Variants in SCARB1 observed in about 807,000 individuals in gnomAD.
SCARB1 encodes scavenger receptor class B member 1, also known as CD36 and LIMPII analogous 1.
Under a neutral mutation model 57.2 loss-of-function variants are expected in SCARB1, and 30 were observed. The ratio of observed to expected loss-of-function variants is 0.52; its 90% CI spans 0.39 to 0.71. The LOEUF is 0.71. Ranked by LOEUF, SCARB1 falls within the 30% of genes least tolerant of loss-of-function variation. The pLI, the probability that SCARB1 is intolerant of heterozygous loss-of-function variation, is 0.00. For synonymous variants in SCARB1, 249 were observed against 268.3 expected (o/e 0.93, Z 0.70); for missense variants, 543 against 671.2 (o/e 0.81, Z 2.11).
At chr12:124,848,499 C>T (rs1057201003) in intron 1 of SCARB1, among the ~76,000 whole-genome samples, 1 of 148,214 alleles carries the variant, frequency 6.7e-6, no homozygotes. Flanking sequence ...TGAGTGGGGC[C>T]GTGGTCCACG....
intron 8 of SCARB1, among the ~76,000 whole-genome samples, chr12:124,799,753 A>G (rs1050369453): frequency 2.6e-5 from 4 of 152,140 alleles, no homozygotes; most frequent in African/African-American, 9.7e-5. Flanking sequence ...CACACGGGAC[A>G]AATTCCCTGT....
At chr12:124,801,783 T>C (rs1226276096) in intron 7 of SCARB1, among the ~76,000 whole-genome samples, 2 of 151,584 alleles carry the variant, frequency 1.3e-5, no homozygotes, top group African/African-American at 4.9e-5. Flanking sequence ...TTTTCGGAGG[T>C]TGCAGTAAGC....
chr12:124,858,792 T>C (rs371164244), intron 1 of SCARB1, among the ~76,000 whole-genome samples: 2 of 150,874 alleles, frequency 1.3e-5, no homozygotes, highest in African/African-American at 4.9e-5. Context: ...GGCAGGAGAA[T>C]GGCGTGAACC....
chr12:124,814,257 T>C lies in SCARB1; in HGVS notation c.575A>G (p.Asn192Ser), dbSNP rs1293037665. ...GGGGAACATGCCTGGAAAGTACTTG[T>C]TGATGAGATTCACAAGGGGGTCCTT... is the stretch of plus-strand genomic sequence containing the variant. ...GYKDPLVNLI[N>S]KYFPGMFPFK... The change falls in exon 4 of 13, where the codon AAC (asparagine) becomes AGC (serine). Residue 192 changes from asparagine to serine, a missense_variant. Transcript: ENST00000261693. The surrounding 1 kb of genome is among the most constrained non-coding windows in gnomAD (Gnocchi z 4.7). 1.9e-6 allele frequency: 3 copies of C among 1,614,226 alleles called. No homozygotes were observed. The highest frequency in any genetic ancestry group is 1.7e-5 in the Admixed American group (1 of 60,032).
chr12:124,800,061 A>C lies in SCARB1; in HGVS notation c.1128+63T>G, dbSNP rs1950077349. The C allele has an allele frequency of 4.1e-6, 5 of 1,207,736 alleles. No homozygotes were observed. Among genetic ancestry groups the C allele is most frequent in the Non-Finnish European group, 6.2e-6 (5 of 812,270 alleles). The allele number at this position is 1,207,736 out of a possible 1,614,324, so 74.8% of individuals were successfully genotyped here. ...GCAGCTCTCTGCCTGGGGAGAGAGG[A>C]GGCAGCCAGGTGTGCTCCAACCAGG... On this transcript the variant is annotated intron_variant, in intron 8 of 12. Transcript: ENST00000261693. This position sits in a 1 kb window ranked among gnomAD's most constrained non-coding sequence, Gnocchi z 4.8.
chr12:124,788,836 G>A (rs1262560644), intron 9 of SCARB1, among the ~76,000 whole-genome samples: 1 of 152,162 alleles, frequency 6.6e-6, no homozygotes, highest in East Asian at 1.9e-4. Flanking sequence ...TGCACACAGA[G>A]GCACAAAGAT....
rs61031862 is a variant in SCARB1, at chr12:124,790,009, C to CA, written c.1203-2553dup. ...CTGGCGACAGAGTGAGACTCCGTCTCAAAAAAAAAAAAAAGAGGGAAGCAG... is the reference window on the plus strand; with the variant it reads ...CTGGCGACAGAGTGAGACTCCGTCTCAAAAAAAAAAAAAAAGAGGGAAGCAG... On this transcript the variant is annotated intron_variant, in intron 9 of 12. Transcript: ENST00000261693. Among the ~76,000 whole-genome samples, 304 of 106,012 alleles carry CA rather than the reference C, an allele frequency of 2.9e-3. 3 individuals carry two copies. Among genetic ancestry groups the CA allele is most frequent in the East Asian group, 7.7e-3 (27 of 3,490 alleles). 69.5% of individuals were successfully genotyped at this position (106,012 alleles called of 152,430 possible).
chr12:124,833,662 C>A (rs1594337549), intron 1 of SCARB1, among the ~76,000 whole-genome samples: 3 of 152,152 alleles, frequency 2.0e-5, no homozygotes, highest in African/African-American at 7.2e-5. Context: ...CCAGGGAACA[C>A]CCCTGCACCA....
intron 7 of SCARB1, among the ~76,000 whole-genome samples, chr12:124,806,858 C>T (rs1382644098): frequency 1.3e-5 from 2 of 152,106 alleles, no homozygotes; most frequent in East Asian, 3.9e-4. Context: ...GCTATAATCG[C>T]ACCACTATAC....
intron 1 of SCARB1, among the ~76,000 whole-genome samples, chr12:124,833,914 C>A (rs1373595269): frequency 6.6e-6 from 1 of 152,238 alleles, no homozygotes; most frequent in African/African-American, 2.4e-5. Context: ...CACTCTCCCG[C>A]AGCTGCTTTC....
rs1949659806 is a variant in SCARB1, at chr12:124,789,884, G to A, written c.1203-2427C>T. On this transcript the variant is annotated intron_variant, in intron 9 of 12. Coordinates refer to ENST00000261693, the MANE Select transcript of SCARB1 (RefSeq NM_005505.5). The surrounding 1 kb of genome is among the most constrained non-coding windows in gnomAD (Gnocchi z 4.4). The stretch of plus-strand genomic sequence containing the variant: ...AAATTGGCCGGACGTGGTGGCACAT[G>A]CCTGTAATCCCAGCTACTCGGGAGG... Among the ~76,000 whole-genome samples the A allele has an allele frequency of 6.6e-6, 1 of 151,968 alleles. No homozygotes were observed. Among genetic ancestry groups the A allele is most frequent in the Non-Finnish European group, 1.5e-5 (1 of 67,992 alleles).
intron 1 of SCARB1, among the ~76,000 whole-genome samples, chr12:124,818,783 C>G (rs2135699037): frequency 6.6e-6 from 1 of 152,148 alleles, no homozygotes; most frequent in Non-Finnish European, 1.5e-5. Context: ...GTAGCTGGGA[C>G]TACAGGCACC....
intron 1 of SCARB1, among the ~76,000 whole-genome samples, chr12:124,848,590 C>T (rs1952258231): frequency 6.6e-6 from 1 of 152,218 alleles, no homozygotes; most frequent in African/African-American, 2.4e-5. Context: ...CATGCAGCAA[C>T]TTGTACTTTT....
Position 124,777,324 on chromosome 12 carries a change from A to G in SCARB1, c.*1263T>C, listed in dbSNP as rs1872582097. 1 of 152,214 alleles carries G rather than the reference A, an allele frequency of 6.6e-6. No homozygotes were observed. The highest frequency in any genetic ancestry group is 1.5e-5 in the Non-Finnish European group (1 of 68,028). The allele number at this position is 152,214 out of a possible 1,614,324, so 9.4% of individuals were successfully genotyped here. A position where few individuals can be genotyped will look rare whatever the true frequency, so the allele number is the denominator to read the frequency against. On this transcript the variant is annotated 3_prime_UTR_variant, in exon 13 of 13. Transcript: ENST00000261693. ...CCAGGATTTGTAGATAAATGCACAG[A>G]AACACATCCAGGGGGCCCCATGCAA...
At chr12:124,803,555 G>A (rs761530818) in intron 7 of SCARB1, among the ~76,000 whole-genome samples, 1 of 151,970 alleles carries the variant, frequency 6.6e-6, no homozygotes, top group Non-Finnish European at 1.5e-5. Flanking sequence ...GGGCGACAGT[G>A]ATACCCTGTC....
chr12:124,819,325 G>T (rs374799114), intron 1 of SCARB1, among the ~76,000 whole-genome samples: 3 of 152,162 alleles, frequency 2.0e-5, no homozygotes, highest in Non-Finnish European at 4.4e-5. Flanking sequence ...TCCCTGTGTG[G>T]CTGAGTGAGC....
chr12:124,800,332 C>G lies in SCARB1; in HGVS notation c.1010-90G>C. The G allele has an allele frequency of 1.1e-6, 1 of 928,416 alleles. No individual in the cohort carries two copies. Among genetic ancestry groups the G allele is most frequent in the South Asian group, 1.4e-5 (1 of 69,356 alleles). The allele number at this position is 928,416 out of a possible 1,614,324, so 57.5% of individuals were successfully genotyped here. A position where few individuals can be genotyped will look rare whatever the true frequency, so the allele number is the denominator to read the frequency against. On this transcript the variant is annotated intron_variant, in intron 7 of 12. Transcript: ENST00000261693. The surrounding 1 kb of genome is among the most constrained non-coding windows in gnomAD (Gnocchi z 4.8). ...GAGGTCTGCACAGAGCTGTGGTCTG[C>G]AGGGCACCCCCGTGGCGATGACAAG...
intron 11 of SCARB1, chr12:124,785,771 A>T: frequency 2.5e-6 from 1 of 398,722 alleles, no homozygotes; most frequent in Middle Eastern, 6.7e-4. Context: ...TGGGTTAAAT[A>T]AGATTAAAAT....
rs143186697 is a variant in SCARB1, at chr12:124,826,200, G to A, written c.127-8493C>T. 1.1e-3 allele frequency among the ~76,000 whole-genome samples: 172 copies of A among 151,698 alleles called. 1 individual carries two copies. The highest frequency in any genetic ancestry group is 3.9e-3 in the African/African-American group (162 of 41,332). Reference sequence around the variant, plus strand: ...ACAAAAATTAGCCAGGCACAGTGGCGCGCACCTATGGTCCCAGCTACTCAG... The same window carrying A: ...ACAAAAATTAGCCAGGCACAGTGGCACGCACCTATGGTCCCAGCTACTCAG... On this transcript the variant is annotated intron_variant, in intron 1 of 12. Transcript: ENST00000261693.
Sources: allele counts gnomAD v4.1 joint callset (sites outside exome capture counted in the v4.1 genomes callset), GRCh38; gene constraint gnomAD v4.1.1; non-coding constraint Gnocchi (gnomAD v3.1); transcripts MANE v1.5; gene names NCBI Gene and HGNC (gene_info 2026-07-23, HGNC 2026-07-21).